The following ERG variants were observed in gnomAD, a reference collection of about 807,000 sequenced individuals.
ERG encodes ETS transcription factor ERG, also known as transcriptional regulator ERG.
A neutral mutation model predicts 55.3 loss-of-function variants in ERG; 9 were observed. The observed-to-expected ratio is 0.16, with a 90% CI of 0.10 to 0.28. The LOEUF (loss-of-function observed/expected upper bound fraction) is 0.28, where lower values mean the gene tolerates loss of function less well. Ranked by LOEUF, ERG falls within the 10% of genes least tolerant of loss-of-function variation. The probability of loss-of-function intolerance (pLI) is 1.00; values close to 1 mark genes in which losing one functional copy is unlikely to be tolerated. For missense variants in ERG, 434 were observed against 631.6 expected, an observed-to-expected ratio of 0.69 and a Z score of 3.35; for synonymous variants, 223 against 237.3, an observed-to-expected ratio of 0.94 and a Z score of 0.55.
intron 1 of ERG, among the ~76,000 whole-genome samples, chr21:38,620,646 G>T (rs2060284784): frequency 6.6e-6 from 1 of 152,174 alleles, no homozygotes; most frequent in South Asian, 2.1e-4. Context: ...AATGACATTT[G>T]TGTAGTGGGA....
chr21:38,564,483 T>A (rs2059910759), intron 2 of ERG, among the ~76,000 whole-genome samples: 1 of 152,096 alleles, frequency 6.6e-6, no homozygotes, highest in South Asian at 2.1e-4. Context: ...GGAACTATCA[T>A]TAAAATATAA....
intron 1 of ERG, among the ~76,000 whole-genome samples, chr21:38,656,686 C>T (rs182772305): frequency 6.6e-6 from 1 of 152,162 alleles, no homozygotes; most frequent in Non-Finnish European, 1.5e-5. Context: ...GGAAATAGGA[C>T]GATAGTACTT....
At position 38,432,787 on chromosome 21, in the gene ERG, AC is replaced by A. The variant is rs138886528; in HGVS notation, c.237-9227del. The stretch of plus-strand genomic sequence containing the variant: ...CAGTAGTGGAAGAATTGGGATTTGA[AC>A]CTAGATAGTCATGGTCTCGACTCCA... On this transcript the variant is annotated intron_variant, in intron 2 of 9. Transcript: ENST00000288319. Among the ~76,000 whole-genome samples, 17 of 152,260 alleles carry A rather than the reference AC, an allele frequency of 1.1e-4. No homozygotes were observed. In the East Asian group the frequency reaches 3.1e-3, roughly 28 times the overall value.
At chr21:38,393,973 C>T (rs2146435053) in intron 6 of ERG, among the ~76,000 whole-genome samples, 1 of 152,240 alleles carries the variant, frequency 6.6e-6, no homozygotes, top group South Asian at 2.1e-4. Context: ...TATCTGCAGC[C>T]CCTAACAATT....
intron 1 of ERG, among the ~76,000 whole-genome samples, chr21:38,496,077 A>G (rs1010643942): frequency 1.3e-5 from 2 of 152,228 alleles, no homozygotes; most frequent in Admixed American, 6.5e-5. Context: ...ACTTCTTCCA[A>G]TTGAAACATT....
At chr21:38,548,575 G>A (rs1232427022) in intron 2 of ERG, among the ~76,000 whole-genome samples, 4 of 145,238 alleles carry the variant, frequency 2.8e-5, no homozygotes, top group Non-Finnish European at 6.0e-5. Context: ...AGCCTCCCAA[G>A]TAGCTGGGAC....
intron 1 of ERG, among the ~76,000 whole-genome samples, chr21:38,464,518 G>A (rs1421067729): frequency 1.3e-5 from 2 of 151,946 alleles, no homozygotes; most frequent in Admixed American, 6.6e-5. Context: ...TCATATCGAC[G>A]AATTCTTTGA....
intron 1 of ERG, among the ~76,000 whole-genome samples, chr21:38,656,896 C>G (rs962459443): frequency 6.6e-6 from 1 of 152,114 alleles, no homozygotes; most frequent in African/African-American, 2.4e-5. Flanking sequence ...TTTTCCCCCC[C>G]GAGTATGTTT....
At chr21:38,621,052 G>A (rs941965230) in intron 1 of ERG, among the ~76,000 whole-genome samples, 12 of 152,176 alleles carry the variant, frequency 7.9e-5, no homozygotes, top group African/African-American at 2.2e-4. Flanking sequence ...CAAGTAAGAC[G>A]TCAAGTAAAA....
chr21:38,621,656 C>G (rs1222434471), intron 1 of ERG, among the ~76,000 whole-genome samples: 1 of 152,156 alleles, frequency 6.6e-6, no homozygotes, highest in Non-Finnish European at 1.5e-5. Flanking sequence ...GCAGCAAAAG[C>G]TGACTAATAC....
rs183679543 is a variant in ERG at position 38,572,526 on chromosome 21, G to T, written c.-41+3136C>A. 4.6e-5 allele frequency among the ~76,000 whole-genome samples: 7 copies of T among 152,178 alleles called. No individual in the cohort carries two copies. The East Asian group carries it at 1.3e-3, about 29-fold the overall frequency. On this transcript the variant is annotated intron_variant, in intron 2 of 8. Coordinates refer to the ERG transcript ENST00000398897. Reference sequence around the variant, plus strand: ...GGAAGAAAATTATCCTCCCAACTTTGTTGTCAAGAACCCCAATTTCATATG... The same window carrying T: ...GGAAGAAAATTATCCTCCCAACTTTTTTGTCAAGAACCCCAATTTCATATG...
In ERG at chr21:38,449,462, T is replaced by C. The variant is rs146179033; in HGVS notation, c.19-3841A>G. Among the ~76,000 whole-genome samples, 768 of 152,360 alleles carry C rather than the reference T, an allele frequency of 5.0e-3. 6 individuals are homozygous for C. The highest frequency in any genetic ancestry group is 0.017 in the African/African-American group (725 of 41,590). ...CAATAACACATGAGGACCATTCCTTTGGATTTTGGTCATGGGATAACAGTT... is the reference window on the plus strand; with the variant it reads ...CAATAACACATGAGGACCATTCCTTCGGATTTTGGTCATGGGATAACAGTT... On this transcript the variant is annotated intron_variant, in intron 1 of 9. Transcript: ENST00000288319.
chr21:38,547,888 G>A (rs187323411), intron 2 of ERG, among the ~76,000 whole-genome samples: 1 of 150,894 alleles, frequency 6.6e-6, no homozygotes, highest in East Asian at 2.0e-4. Flanking sequence ...TAATACTTAG[G>A]GTCTAACCAC....
chr21:38,569,099 G>T lies in ERG; in HGVS notation c.-41+6563C>A, dbSNP rs549617643. Among the ~76,000 whole-genome samples the T allele has an allele frequency of 6.8e-4, 103 of 152,344 alleles. 1 individual carries two copies. The South Asian group carries it at 0.019, about 29-fold the overall frequency. ...CCTCTCTAGCAGCTTCGCTGTGCCCGAAGTGTTTGAGAACAGGTGACCCAT... is the reference window on the plus strand; with the variant it reads ...CCTCTCTAGCAGCTTCGCTGTGCCCTAAGTGTTTGAGAACAGGTGACCCAT... On this transcript the variant is annotated intron_variant, in intron 2 of 8. Coordinates refer to the ERG transcript ENST00000398897.
At chr21:38,367,783 A>AG in the ERG span, 2 of 404,958 alleles carry the variant, frequency 4.9e-6, no homozygotes, top group South Asian at 3.9e-5. Context: ...CATTTGGCAG[A>AG]GGAAGCAAAC....
intron 9 of ERG, among the ~76,000 whole-genome samples, chr21:38,387,240 T>C (rs1987735247): frequency 6.6e-6 from 1 of 152,136 alleles, no homozygotes; most frequent in Admixed American, 6.5e-5. Flanking sequence ...ACCAGTACCA[T>C]GTGGCAGTGG....
chr21:38,371,626 C>A, the ERG span, among the ~76,000 whole-genome samples: 1 of 151,902 alleles, frequency 6.6e-6, no homozygotes, highest in African/African-American at 2.4e-5. Flanking sequence ...GATAATCATA[C>A]TTTTTTCCTA....
chr21:38,599,716 C>T (rs2060153223), intron 1 of ERG, among the ~76,000 whole-genome samples: 1 of 152,198 alleles, frequency 6.6e-6, no homozygotes, highest in African/African-American at 2.4e-5. Context: ...CTGGACCTCT[C>T]AATACTTGGA....
intron 2 of ERG, among the ~76,000 whole-genome samples, chr21:38,436,235 T>G (rs900949809): frequency 4.6e-5 from 7 of 152,166 alleles, no homozygotes; most frequent in Admixed American, 2.0e-4. Context: ...GGTCTCGAAC[T>G]CCTGACCCAC....
Sources: gnomAD v4.1 joint callset for allele counts (sites outside exome capture counted in the v4.1 genomes callset) on GRCh38, gnomAD v4.1.1 for gene constraint, MANE v1.5 for transcripts, NCBI Gene and HGNC (gene_info 2026-07-23, HGNC 2026-07-21) for gene names.